Variants in SYNE2 observed in about 807,000 individuals in gnomAD.
SYNE2 encodes the protein nesprin-2.
A neutral mutation model predicts 856.3 loss-of-function variants in SYNE2; 431 were observed. The observed-to-expected ratio is 0.50, with a 90% CI of 0.47 to 0.55. The LOEUF (loss-of-function observed/expected upper bound fraction) is 0.55, where lower values mean the gene tolerates loss of function less well. Ranked by LOEUF, SYNE2 falls within the 20% of genes least tolerant of loss-of-function variation. The pLI is 0.00. For synonymous variants in SYNE2, 2,923 were observed against 2,872.3 expected, an observed-to-expected ratio of 1.02 and a Z score of -0.56; for missense variants, 8,129 against 8,023.2, an observed-to-expected ratio of 1.01 and a Z score of -0.50.
At chr14:64,118,134 A>C (rs748346300) in intron 66 of SYNE2, among the ~76,000 whole-genome samples, 9 of 152,172 alleles carry the variant, frequency 5.9e-5, no homozygotes, top group Non-Finnish European at 1.2e-4. Context: ...AAAATTTTTA[A>C]TTCCTTAAAT....
At position 64,048,001 on chromosome 14, in the gene SYNE2, A is replaced by T. The variant is rs550374867; in HGVS notation, c.7223A>T (p.Asp2408Val). ...KLEEDWEINK[D>V]SAVEMAMSKQ... The stretch of plus-strand genomic sequence containing the variant: ...AATTAATCTTTTTATGTATTTCAGG[A>T]TTCAGCTGTGGAAATGGCTATGTCA... The change falls in exon 46 of 116, where the codon GAT becomes GTT. Residue 2408 changes from aspartate to valine, a missense_variant and splice_region_variant. By Grantham distance (152) the Asp-to-Val change is radical. Around this residue, in one of 3 missense-constraint regions of SYNE2, gnomAD observed 5,410 missense variants for 5,284.8 expected, o/e 1.02. Transcript: ENST00000555002. 46 of 1,613,684 alleles carry T rather than the reference A, an allele frequency of 2.9e-5. No individual in the cohort carries two copies. The South Asian group carries it at 4.7e-4, about 17-fold the overall frequency.
Position 64,070,922 on chromosome 14 carries a change from G to GA in SYNE2, c.10697+17dup. On this transcript the variant is annotated intron_variant, in intron 52 of 115. Coordinates refer to ENST00000555002, the MANE Select transcript of SYNE2 (RefSeq NM_182914.3). ...GAACGATGCAACAAGTAAGATTTATGAAAAACTATTAAGGACGTGTGCTTG... is the reference window on the plus strand; with the variant it reads ...GAACGATGCAACAAGTAAGATTTATGAAAAAACTATTAAGGACGTGTGCTTG... The GA allele has an allele frequency of 6.2e-7, 1 of 1,613,950 alleles. No individual in the cohort carries two copies. Among genetic ancestry groups the GA allele is most frequent in the African/African-American group, 1.3e-5 (1 of 75,040 alleles).
intron 87 of SYNE2, among the ~76,000 whole-genome samples, chr14:64,159,842 T>C (rs2098314433): frequency 6.6e-6 from 1 of 152,190 alleles, no homozygotes; most frequent in Admixed American, 6.5e-5. Flanking sequence ...AAGGGGATGT[T>C]AGAGTATCTG....
intron 38 of SYNE2, chr14:64,023,718 A>G (rs2153536284): frequency 5.4e-6 from 1 of 185,194 alleles, no homozygotes; most frequent in African/African-American, 2.4e-5. Context: ...TAATGTTTTG[A>G]TGATAAGTTA....
At chr14:64,133,726 G>C (rs1015291682) in intron 77 of SYNE2, among the ~76,000 whole-genome samples, 3 of 152,126 alleles carry the variant, frequency 2.0e-5, no homozygotes, top group Non-Finnish European at 4.4e-5. Flanking sequence ...TAAGAGAAAG[G>C]CTCTCTTGTG....
chr14:64,141,966 C>T lies in SYNE2; in HGVS notation c.15184C>T (p.Arg5062Cys), dbSNP rs1184099380. 2.3e-5 allele frequency: 37 copies of T among 1,613,978 alleles called. No homozygotes were observed. Among genetic ancestry groups the T allele is most frequent in the Non-Finnish European group, 3.1e-5 (36 of 1,179,990 alleles). The change falls in exon 82 of 116, where the codon CGT becomes TGT. Residue 5062 changes from arginine to cysteine, a missense_variant. Transcript: ENST00000555002. Reference protein sequence around the residue: ...HQLQMEKLPSRKAITEMISWM... With the variant: ...HQLQMEKLPSCKAITEMISWM... ...GCTTCAAATGGAGAAATTGCCGTCT[C>T]GTAAAGCAATCACAGAAATGATTAG...
chr14:63,869,480 G>A (rs1307545472), intron 1 of SYNE2, among the ~76,000 whole-genome samples: 3 of 151,600 alleles, frequency 2.0e-5, no homozygotes, highest in Admixed American at 1.3e-4. Context: ...AAATTAGCCG[G>A]GCGTGGTGGC....
In SYNE2 at chr14:64,081,519, T is replaced by C; in HGVS notation, c.11423T>C (p.Leu3808Pro). ...EAWIENTSHL[L>P]ANPADYDSLR... ...TGGATAGAAAATACCAGTCATTTGCTGGCCAATCCTGCTGACTATGACTCT... is the reference window on the plus strand; with the variant it reads ...TGGATAGAAAATACCAGTCATTTGCCGGCCAATCCTGCTGACTATGACTCT... Residue 3808 changes from leucine (L) to proline (P), a missense_variant, in exon 57 of 116, where the codon CTG becomes CCG. Transcript: ENST00000555002. The C allele has an allele frequency of 6.2e-7, 1 of 1,614,224 alleles. No homozygotes were observed. Among genetic ancestry groups the C allele is most frequent in the Non-Finnish European group, 8.5e-7 (1 of 1,180,026 alleles).
At chr14:64,106,998 G>C (rs996725521) in intron 64 of SYNE2, among the ~76,000 whole-genome samples, 1 of 152,074 alleles carries the variant, frequency 6.6e-6, no homozygotes, top group African/African-American at 2.4e-5. Flanking sequence ...TCTTTGAAAT[G>C]TGGCCTTTAT....
intron 11 of SYNE2, among the ~76,000 whole-genome samples, chr14:63,969,304 G>GA (rs2096442117): frequency 6.7e-6 from 1 of 150,180 alleles, no homozygotes; most frequent in Admixed American, 6.7e-5. Flanking sequence ...GAATAGCTGG[G>GA]ATTACAGGTG....
At chr14:64,116,012 A>T (rs1273234788) in intron 66 of SYNE2, among the ~76,000 whole-genome samples, 2 of 152,120 alleles carry the variant, frequency 1.3e-5, no homozygotes, top group African/African-American at 2.4e-5. Flanking sequence ...AAAAAAAATT[A>T]AAAAATAAAC....
chr14:63,904,231 A>G (rs1333776501), intron 1 of SYNE2, among the ~76,000 whole-genome samples: 2 of 152,126 alleles, frequency 1.3e-5, no homozygotes, highest in African/African-American at 4.8e-5. Flanking sequence ...GTTGATGGGA[A>G]CCCAGGCTGA....
At chr14:63,831,956 A>G (rs914763668) in intron 1 of SYNE2, among the ~76,000 whole-genome samples, 5 of 152,170 alleles carry the variant, frequency 3.3e-5, no homozygotes, top group Admixed American at 6.6e-5. Flanking sequence ...TCAATATTCA[A>G]GAGACATTTT....
intron 6 of SYNE2, among the ~76,000 whole-genome samples, chr14:63,946,896 C>T (rs1282713252): frequency 1.3e-5 from 2 of 151,786 alleles, no homozygotes; most frequent in African/African-American, 4.8e-5. Flanking sequence ...GTTGCCCAGG[C>T]TGGAGTGCAG....
intron 1 of SYNE2, among the ~76,000 whole-genome samples, chr14:63,825,671 C>T (rs533657734): frequency 2.0e-5 from 3 of 152,064 alleles, no homozygotes; most frequent in African/African-American, 4.8e-5. Context: ...GTCAGGAGTT[C>T]GAAACCAGCC....
In SYNE2 at chr14:63,986,502, T is replaced by G. The variant is rs747247498; in HGVS notation, c.2198T>G (p.Leu733Arg). Residue 733 changes from leucine to arginine, a missense_variant, in exon 19 of 116, where the codon CTA (leucine) becomes CGA (arginine). Leu to Arg is a moderately radical substitution (Grantham distance 102). Around this residue, in one of 3 missense-constraint regions of SYNE2, gnomAD observed 2,422 missense variants for 2,357.4 expected, o/e 1.03. Transcript: ENST00000555002. ...GAAAATGAAGAATTCACAGGGCAAC[T>G]AAAAGTGGCTAAAGATGTTGAAAAA... The part of the protein sequence containing the change: ...EKENEEFTGQ[L>R]KVAKDVEKLI... 1.2e-6 allele frequency: 2 copies of G among 1,614,118 alleles called. No individual in the cohort carries two copies. Among genetic ancestry groups the G allele is most frequent in the South Asian group, 2.2e-5 (2 of 91,072 alleles).
At chr14:64,179,887 T>A (rs1387517129) in intron 96 of SYNE2, among the ~76,000 whole-genome samples, 1 of 152,230 alleles carries the variant, frequency 6.6e-6, no homozygotes, top group Non-Finnish European at 1.5e-5. Flanking sequence ...TTTGTTAATG[T>A]GGATGAATTG....
At chr14:63,866,762 A>G (rs1452731319) in intron 1 of SYNE2, among the ~76,000 whole-genome samples, 1 of 152,208 alleles carries the variant, frequency 6.6e-6, no homozygotes, top group Non-Finnish European at 1.5e-5. Context: ...ACTCGAGCCC[A>G]GGAATTCAAG....
intron 96 of SYNE2, among the ~76,000 whole-genome samples, chr14:64,182,890 A>G (rs1188455633): frequency 1.3e-5 from 2 of 152,202 alleles, no homozygotes; most frequent in South Asian, 2.1e-4. Context: ...GTTCTTAATG[A>G]GCTGTTGGGT....
Sources: gnomAD v4.1 joint callset for allele counts (sites outside exome capture counted in the v4.1 genomes callset) on GRCh38, gnomAD v4.1.1 for gene constraint, gnomAD v4.1.1 regional missense constraint, MANE v1.5 for transcripts, NCBI Gene and HGNC (gene_info 2026-07-23, HGNC 2026-07-21) for gene names.